Variants in DMTN observed in about 807,000 individuals in gnomAD.
The protein encoded by DMTN is dematin.
In DMTN, 27 loss-of-function variants were observed where a neutral mutation model predicts 59.4. The ratio of observed to expected loss-of-function variants is 0.45; its 90% CI spans 0.33 to 0.63. The LOEUF is 0.63. DMTN is among the 20% of genes least tolerant of loss of function. The probability of loss-of-function intolerance (pLI) is 0.02; values close to 1 mark genes in which losing one functional copy is unlikely to be tolerated. For missense variants in DMTN, 451 were observed against 528.9 expected (o/e 0.85, Z 1.45); for synonymous variants, 221 against 203.7 (o/e 1.08, Z -0.72).
chr8:22,068,111 C>T (rs148854301), intron 4 of DMTN, among the ~76,000 whole-genome samples: 379 of 152,322 alleles, frequency 2.5e-3, no homozygotes, highest in African/African-American at 8.9e-3. Flanking sequence ...GGCAGGTACT[C>T]ATCAACTGCC....
chr8:22,056,451 G>A (rs946264544), upstream of DMTN, among the ~76,000 whole-genome samples: 1 of 152,154 alleles, frequency 6.6e-6, no homozygotes, highest in Non-Finnish European at 1.5e-5. Flanking sequence ...GGTGCCTGGA[G>A]AAAGCAGGCA....
At chr8:22,077,240 G>T (rs1035598182) in intron 10 of DMTN, among the ~76,000 whole-genome samples, 1 of 152,108 alleles carries the variant, frequency 6.6e-6, no homozygotes, top group Non-Finnish European at 1.5e-5. Flanking sequence ...GAAGAAACTG[G>T]AGTTCTCCAT....
At chr8:22,081,092 T>TGGGGGGGGGGGGGGGGGCGGG in intron 14 of DMTN, 21 bp from the exon 15 acceptor site, 1 of 1,547,316 alleles carries the variant, frequency 6.5e-7, no homozygotes, top group Non-Finnish European at 8.9e-7. Context: ...AGCCTAAGAT[T>TGGGGGGGGGGGGGGGGGCGGG]GCCCCTCCCC....
intron 10 of DMTN, among the ~76,000 whole-genome samples, chr8:22,077,172 A>T (rs1820504219): frequency 6.6e-6 from 1 of 151,996 alleles, no homozygotes; most frequent in Non-Finnish European, 1.5e-5. Context: ...CCAGCCACAG[A>T]GCCGAAACTG....
chr8:22,064,616 G>A lies in DMTN; in HGVS notation c.-171-2089G>A, dbSNP rs1217803257. On this transcript the variant is annotated intron_variant, in intron 1 of 15. Coordinates refer to ENST00000358242, the MANE Select transcript of DMTN (RefSeq NM_001387751.1). ...TGGGACTACAGGCGCCCGCCACCAC[G>A]CCTAGCTAATTTTTTGTATTTTTAG... is the stretch of plus-strand genomic sequence containing the variant. 2.6e-5 allele frequency among the ~76,000 whole-genome samples: 4 copies of A among 152,082 alleles called. No homozygotes were observed. The East Asian group carries it at 5.8e-4, about 22-fold the overall frequency.
At chr8:22,053,015 G>T (rs1435000626), upstream of DMTN, among the ~76,000 whole-genome samples, 4 of 152,034 alleles carry the variant, frequency 2.6e-5, no homozygotes, top group Admixed American at 1.3e-4. Context: ...CTTTGTGGAA[G>T]GTCTGGGGTT....
chr8:22,057,870 CT>C (rs796462406), intron 1 of DMTN: 34 of 152,462 alleles, frequency 2.2e-4, no homozygotes, highest in African/African-American at 7.0e-4. Context: ...GACCAGTTGC[CT>C]GGTTGTGAGA....
In DMTN at chr8:22,082,401, C is replaced by G. The variant is rs1824740750; in HGVS notation, c.*938C>G. ...AGTCCACGTGTGTATATAATGATAT[C>G]TATATTTTTGCCCAGGTCTGGGTAT... On this transcript the variant is annotated 3_prime_UTR_variant, in exon 16 of 16. Coordinates refer to ENST00000358242, the MANE Select transcript of DMTN (RefSeq NM_001387751.1). 2 of 360,764 alleles carry G rather than the reference C, an allele frequency of 5.5e-6. No homozygotes were observed. The highest frequency in any genetic ancestry group is 2.1e-5 in the African/African-American group (1 of 46,866). 22.3% of individuals were successfully genotyped at this position (360,764 alleles called of 1,614,324 possible). A position where few individuals can be genotyped will look rare whatever the true frequency, so the allele number is the denominator to read the frequency against.
intron 10 of DMTN, 140 bp downstream of exon 10, chr8:22,073,975 C>A: frequency 1.5e-6 from 1 of 650,876 alleles, no homozygotes; most frequent in Non-Finnish European, 2.7e-6. Context: ...GAATCCCAGT[C>A]ATGGAACAAT....
In DMTN at chr8:22,081,429, G is replaced by C; in HGVS notation, c.1184G>C (p.Arg395Pro). 1.2e-6 allele frequency: 2 copies of C among 1,614,106 alleles called. No homozygotes were observed. The highest frequency in any genetic ancestry group is 1.1e-5 in the South Asian group (1 of 91,086). The change falls in exon 16 of 16, where the codon CGG becomes CCG. Residue 395 changes from arginine to proline, a missense_variant. Coordinates refer to ENST00000358242, the MANE Select transcript of DMTN (RefSeq NM_001387751.1). The part of the protein sequence containing the change: ...EEFGKLALWK[R>P]NELKKKASLF ...TTTGGCAAGCTGGCTCTGTGGAAGCGGAATGAGCTCAAGAAGAAGGCCTCT... is the reference window on the plus strand; with the variant it reads ...TTTGGCAAGCTGGCTCTGTGGAAGCCGAATGAGCTCAAGAAGAAGGCCTCT...
At chr8:22,062,974 A>G (rs147875219) in intron 1 of DMTN, among the ~76,000 whole-genome samples, 1 of 152,044 alleles carries the variant, frequency 6.6e-6, no homozygotes, top group Non-Finnish European at 1.5e-5. Flanking sequence ...TCAGTTCCCC[A>G]GGTTCCCAGG....
At chr8:22,049,733 C>T (rs898052013), upstream of DMTN, among the ~76,000 whole-genome samples, 2 of 152,140 alleles carry the variant, frequency 1.3e-5, no homozygotes, top group Non-Finnish European at 2.9e-5. Flanking sequence ...CTCACTGAGT[C>T]CTCTCTTCTG....
intron 10 of DMTN, 29 bp downstream of exon 10, chr8:22,073,864 AC>A (rs779693961): frequency 6.3e-7 from 1 of 1,588,064 alleles, no homozygotes; most frequent in Non-Finnish European, 8.6e-7. Context: ...GCTCAGAGTC[AC>A]CTGGCCAGAG....
rs1157397771 is a variant in DMTN at position 22,058,542 on chromosome 8, G to A, written c.-172+1406G>A. On this transcript the variant is annotated intron_variant, in intron 1 of 15. Coordinates refer to ENST00000358242, the MANE Select transcript of DMTN (RefSeq NM_001387751.1). This position sits in a 1 kb window ranked among gnomAD's most constrained non-coding sequence, Gnocchi z 4.3. ...GAGAGAGACCTAGGAGAAGATGGCT[G>A]CACAGATGCGTCTCTGGGTGGGCTA... 1.3e-5 allele frequency among the ~76,000 whole-genome samples: 2 copies of A among 152,216 alleles called. No homozygotes were observed. Among genetic ancestry groups the A allele is most frequent in the African/African-American group, 4.8e-5 (2 of 41,442 alleles).
chr8:22,052,108 G>C (rs914392440), upstream of DMTN, among the ~76,000 whole-genome samples: 1 of 152,186 alleles, frequency 6.6e-6, no homozygotes, highest in African/African-American at 2.4e-5. Flanking sequence ...CTGCTCCATA[G>C]GCTCTTGGCA....
In DMTN at chr8:22,067,696, T is replaced by C; in HGVS notation, c.249+14T>C. 1 of 1,612,818 alleles carries C rather than the reference T, an allele frequency of 6.2e-7. No individual in the cohort carries two copies. On this transcript the variant is annotated intron_variant, in intron 4 of 15. Transcript: ENST00000358242. ...CGCAGCCGCGAGGTGAGGGGGCTCC[T>C]CTTGGGCAGGACTCCGGGGGAGGCC...
chr8:22,075,873 A>C (rs1032633486), intron 10 of DMTN, among the ~76,000 whole-genome samples: 5 of 152,302 alleles, frequency 3.3e-5, no homozygotes, highest in Non-Finnish European at 4.4e-5. Flanking sequence ...GAAAGCATGA[A>C]AGATGGGAGG....
upstream of DMTN, among the ~76,000 whole-genome samples, chr8:22,051,696 G>A (rs554702484): frequency 6.6e-5 from 10 of 152,176 alleles, no homozygotes; most frequent in African/African-American, 1.2e-4. Context: ...GCCTCCTTGC[G>A]CGTGACTGCT....
At chr8:22,065,357 C>T (rs1176273102) in intron 1 of DMTN, among the ~76,000 whole-genome samples, 3 of 152,178 alleles carry the variant, frequency 2.0e-5, no homozygotes, top group Non-Finnish European at 4.4e-5. Context: ...AGGGAGAAAA[C>T]ATGTTCCCTG....
Sources: allele counts gnomAD v4.1 joint callset (sites outside exome capture counted in the v4.1 genomes callset), GRCh38; gene constraint gnomAD v4.1.1; non-coding constraint Gnocchi (gnomAD v3.1); transcripts MANE v1.5; gene names NCBI Gene and HGNC (gene_info 2026-07-23, HGNC 2026-07-21).